EBF2: variants seen among roughly 807,000 people sequenced by gnomAD.
The protein encoded by EBF2 is transcription factor COE2.
EBF2 carries 21 observed loss-of-function variants against 72.8 expected under a neutral mutation model. The ratio of observed to expected loss-of-function variants is 0.29; its 90% CI spans 0.20 to 0.42. The LOEUF is 0.42. EBF2 is among the 10% of genes least tolerant of loss of function. EBF2 has a pLI of 1.00. For missense variants in EBF2, 637 were observed against 731.2 expected (o/e 0.87, Z 1.49); for synonymous variants, 299 against 274.2 (o/e 1.09, Z -0.89).
intron 6 of EBF2, among the ~76,000 whole-genome samples, chr8:25,984,761 T>C (rs1804420755): frequency 6.6e-6 from 1 of 152,174 alleles, no homozygotes; most frequent in African/African-American, 2.4e-5. Flanking sequence ...CAGTATTCTT[T>C]GATATCTACA....
At chr8:26,021,414 A>G (rs903998218) in intron 6 of EBF2, among the ~76,000 whole-genome samples, 15 of 152,340 alleles carry the variant, frequency 9.8e-5, no homozygotes, top group African/African-American at 3.6e-4. Context: ...TAAAGGAGCC[A>G]TAGCATATGC....
chr8:25,875,550 T>C (rs7013854), intron 10 of EBF2, among the ~76,000 whole-genome samples: 43,582 of 152,094 alleles, frequency 0.29, 8,445 homozygotes, highest in African/African-American at 0.56. Context: ...ATTTCTATGA[T>C]TTCTAAAGAA....
chr8:26,025,911 C>T (rs545869749), intron 6 of EBF2, among the ~76,000 whole-genome samples: 2 of 152,216 alleles, frequency 1.3e-5, no homozygotes, highest in African/African-American at 4.8e-5. Context: ...GCAGCCCACA[C>T]CAGTAATCAC....
intron 6 of EBF2, among the ~76,000 whole-genome samples, chr8:26,010,391 A>G (rs1804958572): frequency 6.6e-6 from 1 of 152,226 alleles, no homozygotes; most frequent in Non-Finnish European, 1.5e-5. Flanking sequence ...GGAACGGCAC[A>G]ACACACAGAT....
chr8:25,912,931 AAAT>A (rs1454537212), intron 6 of EBF2, among the ~76,000 whole-genome samples: 1 of 152,150 alleles, frequency 6.6e-6, no homozygotes, highest in Non-Finnish European at 1.5e-5. Flanking sequence ...CGAGATGCAC[AAAT>A]ACAGTGCAGA....
At chr8:26,036,675 C>G (rs190980904) in intron 5 of EBF2, among the ~76,000 whole-genome samples, 1 of 148,966 alleles carries the variant, frequency 6.7e-6, no homozygotes, top group East Asian at 1.9e-4. Context: ...TGTTTGTGAA[C>G]CTACACTCCC....
intron 6 of EBF2, among the ~76,000 whole-genome samples, chr8:25,923,128 C>G (rs987870127): frequency 1.3e-5 from 2 of 152,052 alleles, no homozygotes; most frequent in South Asian, 4.2e-4. Flanking sequence ...GCCACAGGTC[C>G]CTCGGGAAGG....
chr8:25,949,279 C>T (rs1201478290), intron 6 of EBF2, among the ~76,000 whole-genome samples: 2 of 152,158 alleles, frequency 1.3e-5, no homozygotes, highest in Admixed American at 6.5e-5. Flanking sequence ...GCCTTCAGCA[C>T]GTTCTGTAAC....
chr8:26,042,830 T>A (rs891957586), intron 1 of EBF2, among the ~76,000 whole-genome samples: 1 of 150,982 alleles, frequency 6.6e-6, no homozygotes, highest in Non-Finnish European at 1.5e-5. Context: ...GGCGGGAGAG[T>A]AACACAGAGT....
chr8:25,855,813 C>G (rs750588824), intron 14 of EBF2, among the ~76,000 whole-genome samples: 1 of 152,200 alleles, frequency 6.6e-6, no homozygotes, highest in Non-Finnish European at 1.5e-5. Context: ...GGCTGCAACT[C>G]GTTCAGACCC....
chr8:25,992,610 T>C (rs1804562695), intron 6 of EBF2, among the ~76,000 whole-genome samples: 1 of 151,962 alleles, frequency 6.6e-6, no homozygotes, highest in Non-Finnish European at 1.5e-5. Flanking sequence ...AAAAATTTCA[T>C]ATTTAAGGCC....
intron 6 of EBF2, among the ~76,000 whole-genome samples, chr8:25,933,081 T>A (rs2117147791): frequency 6.6e-6 from 1 of 152,264 alleles, no homozygotes; most frequent in African/African-American, 2.4e-5. Flanking sequence ...AGTTGTTTTG[T>A]TTTCTCCCCC....
At chr8:25,889,399 G>A (rs1802741777) in intron 8 of EBF2, among the ~76,000 whole-genome samples, 1 of 152,086 alleles carries the variant, frequency 6.6e-6, no homozygotes, top group Non-Finnish European at 1.5e-5. Flanking sequence ...CCTACAATCT[G>A]TTTAAGGGCA....
intron 7 of EBF2, among the ~76,000 whole-genome samples, chr8:25,895,749 C>T (rs1284897852): frequency 6.6e-6 from 1 of 152,218 alleles, no homozygotes; most frequent in Admixed American, 6.5e-5. Context: ...CAGGTGGACA[C>T]ATCCGTTAAT....
chr8:25,874,853 CTTTTTTTTTTT>C (rs1183233269), intron 10 of EBF2, among the ~76,000 whole-genome samples: 2 of 99,574 alleles, frequency 2.0e-5, no homozygotes, highest in African/African-American at 4.7e-5. Context: ...GCCTGGCTAA[CTTTTTTTTTTT>C]TTTTTTTTTT....
chr8:25,886,371 C>A (rs1403908328), intron 10 of EBF2, among the ~76,000 whole-genome samples: 1 of 152,188 alleles, frequency 6.6e-6, no homozygotes, highest in Non-Finnish European at 1.5e-5. Flanking sequence ...TTTTAAAATA[C>A]TTTGAATTGC....
chr8:25,932,346 C>T (rs925495904), intron 6 of EBF2, among the ~76,000 whole-genome samples: 64 of 148,776 alleles, frequency 4.3e-4, no homozygotes, highest in Non-Finnish European at 7.8e-4. Flanking sequence ...AATTCAGCAA[C>T]TCTCAATTGT....
chr8:25,986,897 C>T (rs1332801695), intron 6 of EBF2, among the ~76,000 whole-genome samples: 1 of 152,162 alleles, frequency 6.6e-6, no homozygotes, highest in African/African-American at 2.4e-5. Flanking sequence ...CCAGTGTGGA[C>T]AAAGGCTCTG....
chr8:25,857,935 C>T, intron 14 of EBF2: 1 of 359,330 alleles, frequency 2.8e-6, no homozygotes, highest in Non-Finnish European at 5.4e-6. Flanking sequence ...TTGTCTATAA[C>T]ATGAAGAAAA....
Sources: gnomAD v4.1 joint callset for allele counts (sites outside exome capture counted in the v4.1 genomes callset) on GRCh38, gnomAD v4.1.1 for gene constraint, MANE v1.5 for transcripts, NCBI Gene and HGNC (gene_info 2026-07-23, HGNC 2026-07-21) for gene names.